Variants in ZNF532 observed in about 807,000 individuals in gnomAD.
The protein encoded by ZNF532 is zinc finger protein 532.
A neutral mutation model predicts 89.3 loss-of-function variants in ZNF532; 22 were observed. That is an observed-to-expected ratio of 0.25 (90% CI 0.18 to 0.35). ZNF532 has a LOEUF of 0.35. Ranked by LOEUF, ZNF532 falls within the 10% of genes least tolerant of loss-of-function variation. The pLI, the probability that ZNF532 is intolerant of heterozygous loss-of-function variation, is 1.00. For synonymous variants in ZNF532, 606 were observed against 649.6 expected, an observed-to-expected ratio of 0.93 and a Z score of 1.02; for missense variants, 1,132 against 1,643.4, an observed-to-expected ratio of 0.69 and a Z score of 5.38.
intron 7 of ZNF532, among the ~76,000 whole-genome samples, chr18:58,965,056 A>G (rs200230353): frequency 7.7e-6 from 1 of 129,584 alleles, no homozygotes; most frequent in East Asian, 2.0e-4. Flanking sequence ...TTATTAGTTT[A>G]TTTGATATTT....
At chr18:58,981,394 A>G in intron 8 of ZNF532, 76 bp from the exon 9 acceptor site, 1 of 1,546,038 alleles carries the variant, frequency 6.5e-7, no homozygotes, top group Non-Finnish European at 8.7e-7. Context: ...GCTAAGGAGG[A>G]CCTTCGACCG....
intron 5 of ZNF532, among the ~76,000 whole-genome samples, chr18:58,942,066 A>C (rs768711248): frequency 2.4e-5 from 3 of 125,742 alleles, no homozygotes; most frequent in African/African-American, 6.3e-5. Context: ...TGTGTCGCCC[A>C]GGCTGGAGTG....
chr18:58,877,101 T>C (rs929931030), intron 2 of ZNF532, among the ~76,000 whole-genome samples: 1 of 151,744 alleles, frequency 6.6e-6, no homozygotes, highest in African/African-American at 2.4e-5. Context: ...CTGTGTTTGG[T>C]TCACGGATTC....
intron 7 of ZNF532, among the ~76,000 whole-genome samples, chr18:58,961,622 C>T (rs2065356102): frequency 6.6e-6 from 1 of 152,202 alleles, no homozygotes; most frequent in Non-Finnish European, 1.5e-5. Flanking sequence ...TTGTCACCTG[C>T]AGTAAGGTGG....
At position 58,984,094 on chromosome 18, in the gene ZNF532, G is replaced by T. The variant is rs763270020; in HGVS notation, c.3534G>T (p.Val1178=). ...TTTTTAAGGTTCACAAGTGTGCCGT[G>T]TGTGGCTTCACCACCGAAAACCTGC... The part of the protein sequence containing the change: ...INVFKVHKCA[V]CGFTTENLLQ... Residue 1178 remains valine (V), a synonymous_variant, in exon 10 of 10, where the codon GTG becomes GTT. Transcript: ENST00000591808. The T allele has an allele frequency of 6.2e-7, 1 of 1,611,848 alleles. No individual in the cohort carries two copies. Among genetic ancestry groups the T allele is most frequent in the Non-Finnish European group, 8.5e-7 (1 of 1,179,838 alleles).
At chr18:58,930,287 T>C (rs11664500) in intron 3 of ZNF532, among the ~76,000 whole-genome samples, 33,524 of 152,116 alleles carry the variant, frequency 0.22, 4,765 homozygotes, top group Middle Eastern at 0.38. Context: ...GTAGCCTGCA[T>C]TTGCATGCTA....
chr18:58,948,606 C>T (rs1362060555), intron 6 of ZNF532, among the ~76,000 whole-genome samples: 2 of 139,616 alleles, frequency 1.4e-5, no homozygotes, highest in Non-Finnish European at 1.5e-5. Context: ...CTCCCTCTGT[C>T]TCCCAGGCTA....
At chr18:58,888,724 TAA>T (rs1555708968) in intron 2 of ZNF532, among the ~76,000 whole-genome samples, 1 of 37,826 alleles carries the variant, frequency 2.6e-5, no homozygotes, top group African/African-American at 1.3e-4. Flanking sequence ...TATATATATA[TAA>T]ATTATATATA....
In ZNF532 at chr18:58,867,448, C is replaced by G. The variant is rs184087596; in HGVS notation, c.-18+1869C>G. 2.7e-3 allele frequency among the ~76,000 whole-genome samples: 415 copies of G among 152,266 alleles called. 1 individual carries two copies. The highest frequency in any genetic ancestry group is 4.6e-3 in the Non-Finnish European group (316 of 68,010). ...GCTCATCTTGGATTGGAGCTTGTCT[C>G]AGGTGTTGATCTCATGCTGAGGTAT... is the stretch of plus-strand genomic sequence containing the variant. On this transcript the variant is annotated intron_variant, in intron 2 of 9. Coordinates refer to ENST00000591808, the MANE Select transcript of ZNF532 (RefSeq NM_001375912.1).
chr18:58,931,114 G>A (rs1003509978), intron 3 of ZNF532, among the ~76,000 whole-genome samples: 1 of 152,114 alleles, frequency 6.6e-6, no homozygotes, highest in African/African-American at 2.4e-5. Flanking sequence ...CCTAAGTACC[G>A]AAAACATTTA....
At chr18:58,902,712 G>A (rs1347657148) in intron 2 of ZNF532, among the ~76,000 whole-genome samples, 1 of 151,894 alleles carries the variant, frequency 6.6e-6, no homozygotes, top group African/African-American at 2.4e-5. Flanking sequence ...GGGTGGTCTC[G>A]AACTCCCAAC....
intron 6 of ZNF532, among the ~76,000 whole-genome samples, chr18:58,952,482 G>T (rs2064309468): frequency 6.6e-6 from 1 of 152,114 alleles, no homozygotes; most frequent in South Asian, 2.1e-4. Context: ...GTAGCTCACT[G>T]TAACCTTGAA....
chr18:58,940,832 G>A (rs2062920943), intron 5 of ZNF532, among the ~76,000 whole-genome samples: 1 of 151,076 alleles, frequency 6.6e-6, no homozygotes, highest in African/African-American at 2.4e-5. Context: ...CAAGAAGCTA[G>A]ATTTGCTGTC....
chr18:58,983,588 G>A (rs2068086860), intron 9 of ZNF532, among the ~76,000 whole-genome samples: 1 of 149,416 alleles, frequency 6.7e-6, no homozygotes, highest in Non-Finnish European at 1.5e-5. Flanking sequence ...TCACCTAGCA[G>A]CCACACATAT....
chr18:58,939,603 T>A lies in ZNF532; in HGVS notation c.2687T>A (p.Ile896Asn). 1 of 1,612,470 alleles carries A rather than the reference T, an allele frequency of 6.2e-7. No homozygotes were observed. The highest frequency in any genetic ancestry group is 8.5e-7 in the Non-Finnish European group (1 of 1,179,620). Reference sequence around the variant, plus strand: ...CACGCCTACACACAGCATCCTGGCATCAAGATAGGAGAACCAAAGTAAGTC... The same window carrying A: ...CACGCCTACACACAGCATCCTGGCAACAAGATAGGAGAACCAAAGTAAGTC... Reference protein sequence around the residue: ...HSHAYTQHPGIKIGEPKIIYK... With the variant: ...HSHAYTQHPGNKIGEPKIIYK... The change falls in exon 5 of 10, where the codon ATC (isoleucine) becomes AAC (asparagine). Residue 896 changes from isoleucine (I) to asparagine (N), a missense_variant. By Grantham distance (149) the Ile-to-Asn change is moderately radical (BLOSUM62 -3). Coordinates refer to ENST00000591808, the MANE Select transcript of ZNF532 (RefSeq NM_001375912.1).
Position 58,919,992 on chromosome 18 carries a change from C to T in ZNF532, c.1705C>T (p.Arg569Ter). 6.2e-7 allele frequency: 1 copy of T among 1,613,610 alleles called. No homozygotes were observed. Among genetic ancestry groups the T allele is most frequent in the Non-Finnish European group, 8.5e-7 (1 of 1,179,680 alleles). Residue 569 changes from arginine to a stop codon, truncating the protein, a stop_gained, in exon 3 of 10, where the codon CGA becomes TGA. Coordinates refer to ENST00000591808, the MANE Select transcript of ZNF532 (RefSeq NM_001375912.1). LOFTEE classifies it high-confidence loss of function. This position sits in a 1 kb window ranked among gnomAD's most constrained non-coding sequence, Gnocchi z 6.1. ...AASQPPKKVS[R>*]VQVVSSLQSS... is the part of the protein sequence containing the mutation. ...CTCGCAACCCCCCAAAAAGGTGTCT[C>T]GAGTCCAGGTGGTGTCGTCCTTGCA...
At chr18:58,889,414 A>G (rs2058724695) in intron 2 of ZNF532, among the ~76,000 whole-genome samples, 1 of 152,214 alleles carries the variant, frequency 6.6e-6, no homozygotes, top group African/African-American at 2.4e-5. Context: ...CTTTTTCTGT[A>G]AAATACAGTT....
rs547639200 is a variant in ZNF532, at chr18:58,878,899, C to G, written c.-18+13320C>G. 1.1e-4 allele frequency among the ~76,000 whole-genome samples: 16 copies of G among 152,326 alleles called. No homozygotes were observed. The South Asian group carries it at 3.3e-3, about 32-fold the overall frequency. ...CCCTTGGTTGTCTCTTTTGCTTCCCCCTTAGTAGAACTTCTTTCCTATACA... is the reference window on the plus strand; with the variant it reads ...CCCTTGGTTGTCTCTTTTGCTTCCCGCTTAGTAGAACTTCTTTCCTATACA... On this transcript the variant is annotated intron_variant, in intron 2 of 9. Coordinates refer to ENST00000591808, the MANE Select transcript of ZNF532 (RefSeq NM_001375912.1).
At chr18:58,918,233 C>A in intron 2 of ZNF532, 38 bp from the exon 3 acceptor site, 2 of 1,551,384 alleles carry the variant, frequency 1.3e-6, no homozygotes, top group Middle Eastern at 1.7e-4. Flanking sequence ...TGAGGAAATA[C>A]CAATTACTGA....
Sources: gnomAD v4.1 joint callset for allele counts (sites outside exome capture counted in the v4.1 genomes callset) on GRCh38, gnomAD v4.1.1 for gene constraint, Gnocchi (gnomAD v3.1) non-coding constraint, MANE v1.5 for transcripts, NCBI Gene and HGNC (gene_info 2026-07-23, HGNC 2026-07-21) for gene names.